CTSZ: variants seen among roughly 807,000 people sequenced by gnomAD.
The protein encoded by CTSZ is carboxypeptidase LB.
Under a neutral mutation model 32.4 loss-of-function variants are expected in CTSZ, and 39 were observed. That is an observed-to-expected ratio of 1.20 (90% CI 0.93 to 1.57). The LOEUF (loss-of-function observed/expected upper bound fraction) is 1.57, where lower values mean the gene tolerates loss of function less well. Ranked by LOEUF, CTSZ falls within the 40% of genes most tolerant of loss-of-function variation. The pLI is 0.00. For missense variants in CTSZ, 397 were observed against 419.6 expected (o/e 0.95, Z 0.47); for synonymous variants, 168 against 170.1 (o/e 0.99, Z 0.10).
intron 3 of CTSZ, among the ~76,000 whole-genome samples, chr20:58,999,283 G>A (rs2091877064): frequency 6.6e-6 from 1 of 152,090 alleles, no homozygotes; most frequent in East Asian, 1.9e-4. Flanking sequence ...TGATCCGCCC[G>A]CCTCAGCCTC....
chr20:59,000,088 C>T (rs2091882488), intron 3 of CTSZ, among the ~76,000 whole-genome samples: 1 of 145,152 alleles, frequency 6.9e-6, no homozygotes. Flanking sequence ...AAACAAACTA[C>T]CAGTTATGGC....
chr20:58,997,541 C>A, intron 4 of CTSZ, 62 bp downstream of exon 4: 1 of 1,455,296 alleles, frequency 6.9e-7, no homozygotes, highest in Non-Finnish European at 9.1e-7. Flanking sequence ...CGGGACCTTT[C>A]CTCACCCGCG....
intron 2 of CTSZ, among the ~76,000 whole-genome samples, chr20:59,001,921 C>T (rs756562891): frequency 2.0e-5 from 3 of 152,264 alleles, no homozygotes; most frequent in African/African-American, 4.8e-5. Flanking sequence ...CAGGGCCAGG[C>T]GGTCACCAGC....
intron 3 of CTSZ, among the ~76,000 whole-genome samples, chr20:58,999,198 G>A (rs1381561060): frequency 6.6e-6 from 1 of 151,990 alleles, no homozygotes; most frequent in Non-Finnish European, 1.5e-5. Flanking sequence ...ACCGCGCTCG[G>A]CTATTTTTTG....
Position 59,007,189 on chromosome 20 carries a change from C to G in CTSZ, c.-61G>C, listed in dbSNP as rs537586738. On this transcript the variant is annotated 5_prime_UTR_variant, in exon 1 of 6. Transcript: ENST00000217131. ...CCGCTCCGAGTCCCAGATCCCGCGC[C>G]GGCTCCCGCTCTGGATCCCGCCCCG... The G allele has an allele frequency of 1.9e-5, 24 of 1,292,332 alleles. No homozygotes were observed. Among genetic ancestry groups the G allele is most frequent in the Non-Finnish European group, 2.1e-5 (22 of 1,027,100 alleles). The allele number at this position is 1,292,332 out of a possible 1,614,324, so 80.1% of individuals were successfully genotyped here. A position where few individuals can be genotyped will look rare whatever the true frequency, so the allele number is the denominator to read the frequency against.
chr20:59,007,139 C>T lies in CTSZ; in HGVS notation c.-11G>A. 1.5e-6 allele frequency: 2 copies of T among 1,350,982 alleles called. No individual in the cohort carries two copies. The highest frequency in any genetic ancestry group is 1.5e-5 in the African/African-American group (1 of 65,188). 83.7% of individuals were successfully genotyped at this position (1,350,982 alleles called of 1,614,324 possible). A position where few individuals can be genotyped will look rare whatever the true frequency, so the allele number is the denominator to read the frequency against. On this transcript the variant is annotated 5_prime_UTR_variant, in exon 1 of 6. Coordinates refer to ENST00000217131, the MANE Select transcript of CTSZ (RefSeq NM_001336.4). ...CCCGCGCCTCGCCATGGCCCCGCGC[C>T]GGCTCCTGGGTCCCGCTCCGGATCC...
At chr20:59,000,850 G>T (rs1320301330) in intron 3 of CTSZ, among the ~76,000 whole-genome samples, 5 of 136,660 alleles carry the variant, frequency 3.7e-5, no homozygotes, top group South Asian at 2.4e-4. Context: ...TTTTTTTTGA[G>T]CCGTAGTCTT....
At chr20:59,001,302 A>C (rs2091887862) in intron 3 of CTSZ, among the ~76,000 whole-genome samples, 163 bp downstream of exon 3, 1 of 152,204 alleles carries the variant, frequency 6.6e-6, no homozygotes, top group South Asian at 2.1e-4. Context: ...CATGGTCAAG[A>C]GCACCAGCGC....
Position 59,007,033 on chromosome 20 carries a change from G to T in CTSZ, c.96C>A (p.Thr32=), listed in dbSNP as rs1176414143. ...QGGLYFRRGQ[T]CYRPLRGDGL... ...CGTCCCCCCGCAGAGGCCGGTAGCA[G>T]GTCTGTCCCCGGCGGAAGTAGAGGC... Residue 32 remains threonine, a synonymous_variant, in exon 1 of 6, where the codon ACC becomes ACA. Transcript: ENST00000217131. 3 of 1,473,820 alleles carry T rather than the reference G, an allele frequency of 2.0e-6. No homozygotes were observed. Among genetic ancestry groups the T allele is most frequent in the Non-Finnish European group, 2.7e-6 (3 of 1,119,842 alleles). 91.3% of individuals were successfully genotyped at this position (1,473,820 alleles called of 1,614,324 possible). A position where few individuals can be genotyped will look rare whatever the true frequency, so the allele number is the denominator to read the frequency against.
intron 2 of CTSZ, among the ~76,000 whole-genome samples, chr20:59,003,944 A>C (rs1409080874): frequency 6.6e-6 from 1 of 152,226 alleles, no homozygotes; most frequent in Admixed American, 6.5e-5. Flanking sequence ...GGCAGAGGCC[A>C]GGAGACCAGT....
chr20:58,997,024 G>T (rs2091863784), intron 4 of CTSZ, among the ~76,000 whole-genome samples: 1 of 152,014 alleles, frequency 6.6e-6, no homozygotes, highest in African/African-American at 2.4e-5. Context: ...GGGTGTGGTG[G>T]TGTGCGCCAG....
chr20:58,996,468 G>C (rs528708454), intron 5 of CTSZ, 171 bp downstream of exon 5: 2 of 685,018 alleles, frequency 2.9e-6, no homozygotes, highest in Non-Finnish European at 5.1e-6. Flanking sequence ...GCGCATGTCA[G>C]AGAAGGGTCT....
intron 4 of CTSZ, 91 bp downstream of exon 4, chr20:58,997,512 G>A (rs530638454): frequency 3.9e-5 from 51 of 1,311,592 alleles, no homozygotes; most frequent in East Asian, 8.0e-5. Flanking sequence ...CGCTGTCACC[G>A]CGGATCTCTC....
At chr20:58,999,249 T>C (rs562765256) in intron 3 of CTSZ, among the ~76,000 whole-genome samples, 15 of 152,272 alleles carry the variant, frequency 9.9e-5, no homozygotes, top group Non-Finnish European at 1.2e-4. Flanking sequence ...TTGGCCAGTC[T>C]GGTCTCGAAC....
chr20:59,003,187 GCC>G (rs1449992984), intron 2 of CTSZ, among the ~76,000 whole-genome samples: 1 of 152,200 alleles, frequency 6.6e-6, no homozygotes, highest in Non-Finnish European at 1.5e-5. Flanking sequence ...CCCATGGCCT[GCC>G]CCCGAGCCCT....
chr20:58,996,764 T>C lies in CTSZ; in HGVS notation c.676A>G (p.Thr226Ala). ...IMATERLANYTGGIYAEYQDT... is the reference protein window; with the variant it reads ...IMATERLANYAGGIYAEYQDT... The stretch of plus-strand genomic sequence containing the variant: ...TGGTATTCGGCATAGATGCCTCCGG[T>C]GTAGTTAGCCAGTCTTTCTGTTGCC... Residue 226 changes from threonine to alanine, a missense_variant, in exon 5 of 6, where the codon ACC becomes GCC. Thr to Ala is a moderately conservative substitution (Grantham distance 58, BLOSUM62 0). Transcript: ENST00000217131. 1 of 1,614,142 alleles carries C rather than the reference T, an allele frequency of 6.2e-7. No homozygotes were observed. The highest frequency in any genetic ancestry group is 8.5e-7 in the Non-Finnish European group (1 of 1,180,016).
chr20:58,999,512 TC>T (rs11086662), intron 3 of CTSZ, among the ~76,000 whole-genome samples: 91,939 of 151,786 alleles, frequency 0.61, 28,112 homozygotes, highest in East Asian at 0.7. Flanking sequence ...CTCTGCACCT[TC>T]CATCTGTCCC....
chr20:59,001,481 G>C lies in CTSZ; in HGVS notation c.471C>G (p.Tyr157Ter), dbSNP rs1409688885. ...GCAGCCTACCCTGGTCCTTGGCCTGGTAGTTGTTGCAGGTCTCGTCAGGGA... is the reference window on the plus strand; with the variant it reads ...GCAGCCTACCCTGGTCCTTGGCCTGCTAGTTGTTGCAGGTCTCGTCAGGGA... ...HGIPDETCNN[Y>*]QAKDQECDKF... Residue 157 changes from tyrosine (Y) to a stop codon, truncating the protein, a stop_gained, in exon 3 of 6, where the codon TAC becomes TAG. Transcript: ENST00000217131. LOFTEE classifies it high-confidence loss of function. 6.2e-7 allele frequency: 1 copy of C among 1,612,848 alleles called. No individual in the cohort carries two copies. The highest frequency in any genetic ancestry group is 1.7e-5 in the Admixed American group (1 of 59,942).
intron 3 of CTSZ, among the ~76,000 whole-genome samples, chr20:58,999,851 C>A (rs1021600892): frequency 6.6e-6 from 1 of 152,110 alleles, no homozygotes; most frequent in Non-Finnish European, 1.5e-5. Flanking sequence ...AGGCATATCA[C>A]GAGGTCAGGA....
Sources: gnomAD v4.1 joint callset for allele counts (sites outside exome capture counted in the v4.1 genomes callset) on GRCh38, gnomAD v4.1.1 for gene constraint, MANE v1.5 for transcripts, NCBI Gene and HGNC (gene_info 2026-07-23, HGNC 2026-07-21) for gene names.